The following KCNS3 variants were observed in gnomAD, a reference collection of about 807,000 sequenced individuals.
KCNS3 encodes delayed-rectifier potassium channel regulatory subunit KCNS3.
Under a neutral mutation model 31.0 loss-of-function variants are expected in KCNS3, and 13 were observed. The observed-to-expected ratio is 0.42, with a 90% CI of 0.27 to 0.67. The LOEUF (loss-of-function observed/expected upper bound fraction) is 0.67, where lower values mean the gene tolerates loss of function less well. KCNS3 is among the 30% of genes least tolerant of loss of function. The pLI, the probability that KCNS3 is intolerant of heterozygous loss-of-function variation, is 0.25. For synonymous variants in KCNS3, 238 were observed against 241.5 expected, an observed-to-expected ratio of 0.99 and a Z score of 0.13; for missense variants, 545 against 622.4, an observed-to-expected ratio of 0.88 and a Z score of 1.32.
chr2:17,895,731 G>C (rs1662010189), intron 1 of KCNS3, among the ~76,000 whole-genome samples: 1 of 152,156 alleles, frequency 6.6e-6, no homozygotes, highest in Admixed American at 6.5e-5. Context: ...GGAGTACACT[G>C]GGAAAGTTTC....
intron 1 of KCNS3, among the ~76,000 whole-genome samples, chr2:17,907,666 ATC>A (rs1211396324): frequency 6.6e-6 from 1 of 152,056 alleles, no homozygotes; most frequent in African/African-American, 2.4e-5. Context: ...TGGTGACAAA[ATC>A]TCTCAGCATT....
intron 2 of KCNS3, among the ~76,000 whole-genome samples, chr2:17,926,476 G>A (rs2125253527): frequency 6.6e-6 from 1 of 152,338 alleles, no homozygotes; most frequent in South Asian, 2.1e-4. Context: ...CTCTGCCCCT[G>A]TAGCAAACTT....
intron 1 of KCNS3, among the ~76,000 whole-genome samples, chr2:17,905,030 A>G (rs1031595751): frequency 6.6e-6 from 1 of 152,170 alleles, no homozygotes; most frequent in African/African-American, 2.4e-5. Context: ...GATGGCATTG[A>G]ATCTATAAAT....
At chr2:17,879,891 G>GAA (rs1674604888) in intron 1 of KCNS3, among the ~76,000 whole-genome samples, 1 of 152,180 alleles carries the variant, frequency 6.6e-6, no homozygotes, top group Non-Finnish European at 1.5e-5. Flanking sequence ...GGGGAGGGGC[G>GAA]GTAGGTGTTC....
intron 1 of KCNS3, among the ~76,000 whole-genome samples, chr2:17,897,404 C>T (rs183664421): frequency 9.2e-5 from 14 of 152,200 alleles, no homozygotes; most frequent in East Asian, 1.9e-4. Context: ...TTGGATATAC[C>T]GGTAATGAGA....
chr2:17,878,416 G>A (rs577958241), upstream of KCNS3, among the ~76,000 whole-genome samples: 1 of 152,066 alleles, frequency 6.6e-6, no homozygotes, highest in African/African-American at 2.4e-5. Context: ...GGGCCTGGGC[G>A]GGGGCGCGCG....
intron 1 of KCNS3, among the ~76,000 whole-genome samples, chr2:17,892,050 C>G (rs1661869779): frequency 6.6e-6 from 1 of 152,172 alleles, no homozygotes; most frequent in Admixed American, 6.5e-5. Flanking sequence ...TCTTCTTCCT[C>G]AGGAACATTA....
intron 1 of KCNS3, among the ~76,000 whole-genome samples, chr2:17,902,730 A>C (rs11680994): frequency 6.6e-6 from 1 of 152,046 alleles, no homozygotes; most frequent in Non-Finnish European, 1.5e-5. Flanking sequence ...GTGATTTGCC[A>C]CGTACACTTA....
intron 1 of KCNS3, among the ~76,000 whole-genome samples, chr2:17,911,012 G>T (rs1319250413): frequency 6.6e-6 from 1 of 152,128 alleles, no homozygotes; most frequent in Non-Finnish European, 1.5e-5. Context: ...TTGGAGAAGA[G>T]CCTTCTTACC....
chr2:17,911,710 TG>T (rs1319169317), intron 1 of KCNS3, among the ~76,000 whole-genome samples: 24 of 152,374 alleles, frequency 1.6e-4, no homozygotes, highest in Non-Finnish European at 2.5e-4. Context: ...ATTTCTCTTT[TG>T]TACTTAGCAT....
chr2:17,888,629 G>GTATATATATATA (rs70964021), intron 1 of KCNS3, among the ~76,000 whole-genome samples: 6 of 92,360 alleles, frequency 6.5e-5, no homozygotes, highest in Admixed American at 1.3e-4. Context: ...TAAAAAAAAT[G>GTATATATATATA]TATATATATA....
intron 1 of KCNS3, among the ~76,000 whole-genome samples, chr2:17,898,654 A>G (rs113937695): frequency 4.0e-4 from 61 of 152,308 alleles, no homozygotes; most frequent in African/African-American, 1.4e-3. Context: ...TTTAAAGACT[A>G]ATCTCCTAGC....
At chr2:17,920,308 TC>T (rs975792475) in intron 2 of KCNS3, among the ~76,000 whole-genome samples, 9 of 152,226 alleles carry the variant, frequency 5.9e-5, no homozygotes, top group African/African-American at 2.2e-4. Context: ...TCATTACTTT[TC>T]TGAGCAAAGC....
At chr2:17,924,853 G>A (rs1248661989) in intron 2 of KCNS3, among the ~76,000 whole-genome samples, 1 of 152,152 alleles carries the variant, frequency 6.6e-6, no homozygotes, top group Non-Finnish European at 1.5e-5. Context: ...GAGAATACTA[G>A]CTTCATAGAA....
intron 1 of KCNS3, chr2:17,879,344 T>G (rs1674585421): frequency 6.6e-6 from 1 of 152,330 alleles, no homozygotes; most frequent in Non-Finnish European, 1.5e-5. Flanking sequence ...TCCCCTCCCC[T>G]TTGCCCTGCA....
chr2:17,931,507 C>A lies in KCNS3; in HGVS notation c.499C>A (p.Leu167Ile), dbSNP rs1662967758. The A allele has an allele frequency of 1.2e-6, 2 of 1,614,068 alleles. No individual in the cohort carries two copies. The highest frequency in any genetic ancestry group is 1.7e-6 in the Non-Finnish European group (2 of 1,180,036). ...EKFDTLRFGQ[L>I]RKKIWIRMEN... ...GTTTGACACACTGCGATTTGGTCAG[C>A]TCCGGAAGAAAATCTGGATTAGAAT... The change falls in exon 3 of 3, where the codon CTC (leucine) becomes ATC (isoleucine). Residue 167 changes from leucine (L) to isoleucine (I), a missense_variant. Transcript: ENST00000304101. The surrounding 1 kb of genome is among the most constrained non-coding windows in gnomAD (Gnocchi z 5.4).
intron 1 of KCNS3, among the ~76,000 whole-genome samples, chr2:17,883,045 A>C (rs141941275): frequency 6.6e-6 from 1 of 152,318 alleles, no homozygotes; most frequent in Non-Finnish European, 1.5e-5. Context: ...TACTGTATAA[A>C]TATTGTCTTC....
intron 1 of KCNS3, among the ~76,000 whole-genome samples, chr2:17,901,020 CA>C (rs1662160710): frequency 6.6e-6 from 1 of 152,112 alleles, no homozygotes; most frequent in South Asian, 2.1e-4. Context: ...AACTGAAGCT[CA>C]AAGAACCTAA....
intron 1 of KCNS3, among the ~76,000 whole-genome samples, chr2:17,898,474 G>T (rs1662084471): frequency 6.6e-6 from 1 of 152,102 alleles, no homozygotes; most frequent in African/African-American, 2.4e-5. Context: ...CCTGACTCCT[G>T]CCTGTTTCCA....
Sources: gnomAD v4.1 joint callset for allele counts (sites outside exome capture counted in the v4.1 genomes callset) on GRCh38, gnomAD v4.1.1 for gene constraint, Gnocchi (gnomAD v3.1) non-coding constraint, MANE v1.5 for transcripts, NCBI Gene and HGNC (gene_info 2026-07-23, HGNC 2026-07-21) for gene names.